The following PALM3 variants were observed in gnomAD, a reference collection of about 807,000 sequenced individuals.
PALM3 encodes paralemmin 3.
A neutral mutation model predicts 27.9 loss-of-function variants in PALM3; 20 were observed. The ratio of observed to expected loss-of-function variants is 0.72; its 90% CI spans 0.50 to 1.04. The LOEUF is 1.04. PALM3 is among the 50% of genes least tolerant of loss of function. The pLI is 0.00. For synonymous variants in PALM3, 328 were observed against 352.7 expected (o/e 0.93, Z 0.79); for missense variants, 814 against 869.4 (o/e 0.94, Z 0.80).
intron 3 of PALM3, 67 bp downstream of exon 3, chr19:14,057,276 TCCCCCAAA>T (rs1976323681): frequency 1.1e-5 from 7 of 632,318 alleles, no homozygotes; most frequent in Non-Finnish European, 1.5e-5. Flanking sequence ...GCTCCTATCG[TCCCCCAAA>T]CCGACTTGCA....
rs75841596 is a variant in PALM3, at chr19:14,053,817, C to A, written c.1855G>T (p.Asp619Tyr). ...TAAEGQGPLG[D>Y]ATPLLAETPA... ...GTCTCTGCCAGAAGAGGTGTGGCAT[C>A]CCCCAAGGGGCCTTGGCCCTCAGCA... The change falls in exon 7 of 7, where the codon GAT (aspartate) becomes TAT (tyrosine). Residue 619 changes from aspartate to tyrosine, a missense_variant. Coordinates refer to ENST00000669674, the MANE Select transcript of PALM3 (RefSeq NM_001145028.2). The A allele has an allele frequency of 1.3e-6, 2 of 1,548,468 alleles. No homozygotes were observed. The highest frequency in any genetic ancestry group is 1.2e-5 in the South Asian group (1 of 83,638).
At chr19:14,056,321 C>T in intron 5 of PALM3, 108 bp downstream of exon 5, 1 of 1,106,230 alleles carries the variant, frequency 9.0e-7, no homozygotes, top group Admixed American at 2.0e-5. Flanking sequence ...TGAATGCAGA[C>T]CTAGTGGCCA....
chr19:14,061,800 T>A, intron 1 of PALM3, 140 bp downstream of exon 1: 1 of 292,720 alleles, frequency 3.4e-6, no homozygotes, highest in Non-Finnish European at 5.1e-6. Context: ...GCCTATGGGG[T>A]TGGCTAGCCA....
rs1275777898 is a variant in PALM3, at chr19:14,053,671, G to A, written c.2001C>T (p.Ala667=). The A allele has an allele frequency of 2.0e-6, 3 of 1,479,824 alleles. No homozygotes were observed. The South Asian group carries it at 4.2e-5, about 21-fold the overall frequency. 91.7% of individuals were successfully genotyped at this position (1,479,824 alleles called of 1,614,324 possible). The part of the protein sequence containing the change: ...YAPARQPEPS[A]PTEGEEASGP... Reference sequence around the variant, plus strand: ...CACTTGCCTCTTCACCCTCGGTGGGGGCAGATGGCTCAGGCTGCCGGGCAG... The same window carrying A: ...CACTTGCCTCTTCACCCTCGGTGGGAGCAGATGGCTCAGGCTGCCGGGCAG... The change falls in exon 7 of 7, where the codon GCC becomes GCT. Residue 667 remains alanine (A), a synonymous_variant. Transcript: ENST00000669674.
Position 14,053,972 on chromosome 19 carries a change from GC to G in PALM3, c.1699del (p.Ala567GlnfsTer4). The G allele has an allele frequency of 1.3e-6, 2 of 1,551,632 alleles. No individual in the cohort carries two copies. Among genetic ancestry groups the G allele is most frequent in the Non-Finnish European group, 1.7e-6 (2 of 1,146,934 alleles). ...QGSREGSESQ[A>X]EEMNEAGPPL... is the part of the protein sequence containing the mutation. Reference sequence around the variant, plus strand: ...AGGCCCTGCCTCATTCATCTCCTCTGCCTGGGATTCACTTCCTTCCCTAGAC... The same window carrying G: ...AGGCCCTGCCTCATTCATCTCCTCTGCTGGGATTCACTTCCTTCCCTAGAC... On this transcript the variant is annotated frameshift_variant, in exon 7 of 7. Coordinates refer to ENST00000669674, the MANE Select transcript of PALM3 (RefSeq NM_001145028.2). LOFTEE classifies it low-confidence loss of function (END_TRUNC).
chr19:14,059,748 C>T (rs1976386295), intron 1 of PALM3, among the ~76,000 whole-genome samples: 1 of 152,088 alleles, frequency 6.6e-6, no homozygotes, highest in Non-Finnish European at 1.5e-5. Context: ...GAGTCTGTGG[C>T]CCTCCCACTG....
In PALM3 at chr19:14,056,696, C is replaced by A; in HGVS notation, c.280G>T (p.Ala94Ser). Reference protein sequence around the residue: ...DPQSPEGQAQARIRNLEDSLF... With the variant: ...DPQSPEGQAQSRIRNLEDSLF... The stretch of plus-strand genomic sequence containing the variant: ...CTGTCTTCCAGGTTCCGGATTCGGG[C>A]CTGAGCCTGGCCCTCGGGTGACTGG... The change falls in exon 4 of 7, where the codon GCC becomes TCC. Residue 94 changes from alanine (A) to serine (S), a missense_variant. Transcript: ENST00000669674. 6.4e-7 allele frequency: 1 copy of A among 1,551,756 alleles called. No individual in the cohort carries two copies. Among genetic ancestry groups the A allele is most frequent in the Non-Finnish European group, 8.7e-7 (1 of 1,146,998 alleles).
rs1257745123 is a variant in PALM3 at position 14,054,728 on chromosome 19, T to G, written c.944A>C (p.Gln315Pro). 1 of 1,551,834 alleles carries G rather than the reference T, an allele frequency of 6.4e-7. No individual in the cohort carries two copies. Among genetic ancestry groups the G allele is most frequent in the Admixed American group, 2.0e-5 (1 of 50,992 alleles). The change falls in exon 7 of 7, where the codon CAG becomes CCG. Residue 315 changes from glutamine to proline, a missense_variant. Transcript: ENST00000669674. ...GEIGRVPEVVQTSSPRLQERL... is the reference protein window; with the variant it reads ...GEIGRVPEVVPTSSPRLQERL... ...CTCCTGGAGCCTAGGCGAGCTAGTC[T>G]GCACGACCTCAGGGACCCTGCCTAT...
Position 14,054,802 on chromosome 19 carries a change from C to T in PALM3, c.870G>A (p.Glu290=), listed in dbSNP as rs1326325227. The T allele has an allele frequency of 1.3e-6, 2 of 1,550,004 alleles. No homozygotes were observed. Among genetic ancestry groups the T allele is most frequent in the African/African-American group, 1.4e-5 (1 of 73,016 alleles). The stretch of plus-strand genomic sequence containing the variant: ...TGCCACCCACCCCCTCCCAGACCAC[C>T]TCCACGATGCCCCTGTCCTCCTTCA... ...AWVKEDRGIV[E]VVWEGVGGSD... is the part of the protein sequence containing the mutation. The change falls in exon 7 of 7, where the codon GAG becomes GAA. Residue 290 remains glutamate (E), a synonymous_variant. Transcript: ENST00000669674.
chr19:14,055,624 C>G (rs367917530), intron 5 of PALM3, among the ~76,000 whole-genome samples, 199 bp from the exon 6 acceptor site: 3 of 152,260 alleles, frequency 2.0e-5, no homozygotes, highest in African/African-American at 7.2e-5. Flanking sequence ...ACAGTAGGTG[C>G]TTAAACAATA....
At position 14,053,997 on chromosome 19, in the gene PALM3, A is replaced by C; in HGVS notation, c.1675T>G (p.Ser559Ala). Residue 559 changes from serine to alanine, a missense_variant, in exon 7 of 7, where the codon TCT (serine) becomes GCT (alanine). By Grantham distance (99) the Ser-to-Ala change is moderately conservative (BLOSUM62 1). Transcript: ENST00000669674. ...GCCTGGGATTCACTTCCTTCCCTAGACCCTTGTTCTAGATTCAGATCTCCC... is the reference window on the plus strand; with the variant it reads ...GCCTGGGATTCACTTCCTTCCCTAGCCCCTTGTTCTAGATTCAGATCTCCC... The part of the protein sequence containing the change: ...TEGDLNLEQG[S>A]REGSESQAEE... The C allele has an allele frequency of 6.4e-7, 1 of 1,550,852 alleles. No individual in the cohort carries two copies. The highest frequency in any genetic ancestry group is 8.7e-7 in the Non-Finnish European group (1 of 1,146,746).
chr19:14,055,931 CAG>C (rs1241653609), intron 5 of PALM3, among the ~76,000 whole-genome samples: 1 of 151,106 alleles, frequency 6.6e-6, no homozygotes, highest in African/African-American at 2.4e-5. Context: ...TTGTTTGAGA[CAG>C]AGTCTCACTC....
At chr19:14,056,400 C>T in intron 5 of PALM3, 29 bp downstream of exon 5, 1 of 1,528,554 alleles carries the variant, frequency 6.5e-7, no homozygotes, top group Non-Finnish European at 8.9e-7. Flanking sequence ...CCATGCCCTC[C>T]CATCCCACTC....
At chr19:14,061,673 T>C (rs1464525200) in intron 1 of PALM3, among the ~76,000 whole-genome samples, 1 of 152,088 alleles carries the variant, frequency 6.6e-6, no homozygotes, top group Non-Finnish European at 1.5e-5. Flanking sequence ...CCCCACCCCC[T>C]GGCTGGACTT....
In PALM3 at chr19:14,054,182, A is replaced by ACCT; in HGVS notation, c.1487_1489dup (p.Glu496dup). 1 of 1,545,986 alleles carries ACCT rather than the reference A, an allele frequency of 6.5e-7. No homozygotes were observed. Among genetic ancestry groups the ACCT allele is most frequent in the Non-Finnish European group, 8.7e-7 (1 of 1,145,404 alleles). On this transcript the variant is annotated inframe_insertion, in exon 7 of 7. Transcript: ENST00000669674. Reference sequence around the variant, plus strand: ...CTTCTCTACTCCCAATGGTTCTTCTACCTCCTCCTCCTCTGCCCCTCGCTT... The same window carrying ACCT: ...CTTCTCTACTCCCAATGGTTCTTCTACCTCCTCCTCCTCCTCTGCCCCTCGCTT...
intron 6 of PALM3, 46 bp from the exon 7 acceptor site, chr19:14,055,272 G>T (rs779883593): frequency 6.6e-7 from 1 of 1,524,856 alleles, no homozygotes; most frequent in South Asian, 1.3e-5. Flanking sequence ...GGGAAGACAG[G>T]GTTAAGATGG....
intron 3 of PALM3, 107 bp downstream of exon 3, chr19:14,057,244 C>A (rs1198386303): frequency 6.5e-6 from 3 of 458,366 alleles, no homozygotes; most frequent in Non-Finnish European, 1.0e-5. Context: ...ACTGCCCGCT[C>A]CCCCCCAAAA....
chr19:14,056,540 G>A (rs1214632190), intron 4 of PALM3, 27 bp from the exon 5 acceptor site: 4 of 1,549,164 alleles, frequency 2.6e-6, no homozygotes, highest in South Asian at 1.2e-5. Flanking sequence ...GCTGCTAGGA[G>A]CTGGGCCCCC....
At position 14,054,626 on chromosome 19, in the gene PALM3, G is replaced by T. The variant is rs1342375079; in HGVS notation, c.1046C>A (p.Ser349Tyr). ...AATGAAGGATCCCTCCTCTCCTCCAGAGCCTCCCTGCCCATCACCCTCAGG... is the reference window on the plus strand; with the variant it reads ...AATGAAGGATCCCTCCTCTCCTCCATAGCCTCCCTGCCCATCACCCTCAGG... ...GSPEGDGQGG[S>Y]GGEEGSFIWV... is the part of the protein sequence containing the mutation. Residue 349 changes from serine (S) to tyrosine (Y), a missense_variant, in exon 7 of 7, where the codon TCT becomes TAT. Transcript: ENST00000669674. 8 of 1,551,418 alleles carry T rather than the reference G, an allele frequency of 5.2e-6. No individual in the cohort carries two copies. The highest frequency in any genetic ancestry group is 7.0e-6 in the Non-Finnish European group (8 of 1,146,908).
Sources: gnomAD v4.1 joint callset for allele counts (sites outside exome capture counted in the v4.1 genomes callset) on GRCh38, gnomAD v4.1.1 for gene constraint, MANE v1.5 for transcripts, NCBI Gene and HGNC (gene_info 2026-07-23, HGNC 2026-07-21) for gene names.